Variants in CD82 observed in about 807,000 individuals in gnomAD.
CD82 encodes CD82 antigen.
Under a neutral mutation model 37.4 loss-of-function variants are expected in CD82, and 36 were observed. That is an observed-to-expected ratio of 0.96 (90% CI 0.74 to 1.27). The LOEUF (loss-of-function observed/expected upper bound fraction) is 1.27, where lower values mean the gene tolerates loss of function less well. Among genes scored for constraint, CD82 ranks in the 50% most tolerant of loss-of-function variants. The pLI, the probability that CD82 is intolerant of heterozygous loss-of-function variation, is 0.00. For synonymous variants in CD82, 158 were observed against 137.4 expected, an observed-to-expected ratio of 1.15 and a Z score of -1.05; for missense variants, 340 against 347.0, an observed-to-expected ratio of 0.98 and a Z score of 0.16.
At position 44,576,530 on chromosome 11, in the gene CD82, C is replaced by T. The variant is rs77316636; in HGVS notation, c.-103+10794C>T. On this transcript the variant is annotated intron_variant, in intron 1 of 9. Coordinates refer to ENST00000227155, the MANE Select transcript of CD82 (RefSeq NM_002231.4). ...GTGGAGTAAGCAGCCTCTGCCCCAC[C>T]CGCCATCCACGCAGAGACGGTCAGC... 8.4e-3 allele frequency among the ~76,000 whole-genome samples: 1,275 copies of T among 152,232 alleles called. 13 individuals carry two copies. The highest frequency in any genetic ancestry group is 0.029 in the African/African-American group (1,194 of 41,522).
intron 1 of CD82, among the ~76,000 whole-genome samples, chr11:44,586,026 G>A (rs1393603454): frequency 6.6e-6 from 1 of 152,186 alleles, no homozygotes; most frequent in Admixed American, 6.5e-5. Flanking sequence ...AGGCGCTGCT[G>A]TACCAGAAAC....
At chr11:44,615,217 A>C (rs1160822274) in intron 6 of CD82, 55 bp from the exon 7 acceptor site, 1 of 1,171,922 alleles carries the variant, frequency 8.5e-7, no homozygotes, top group Non-Finnish European at 1.3e-6. Flanking sequence ...GGGTGACCAC[A>C]GGTGGGCACG....
intron 6 of CD82, among the ~76,000 whole-genome samples, chr11:44,608,741 A>T (rs536131413): frequency 3.9e-5 from 6 of 152,372 alleles, no homozygotes; most frequent in African/African-American, 1.4e-4. Flanking sequence ...TGCCTGCCCC[A>T]TTCGGGTGTC....
chr11:44,593,354 C>G (rs542101309), intron 2 of CD82, among the ~76,000 whole-genome samples: 5 of 152,212 alleles, frequency 3.3e-5, no homozygotes, highest in Non-Finnish European at 5.9e-5. Context: ...TCCCCTCCAC[C>G]CCCCCAGCCC....
chr11:44,600,510 GC>G (rs1853292780), intron 4 of CD82, among the ~76,000 whole-genome samples: 1 of 152,146 alleles, frequency 6.6e-6, no homozygotes, highest in Admixed American at 6.5e-5. Flanking sequence ...CCTTCCCTTG[GC>G]CCTGACCTTA....
rs1853361928 is a variant in CD82, at chr11:44,604,682, G to C, written c.137-376G>C. On this transcript the variant is annotated intron_variant, in intron 4 of 9. Coordinates refer to ENST00000227155, the MANE Select transcript of CD82 (RefSeq NM_002231.4). ...CTGCGAGAGGCGCTGTTCGAGCTGG[G>C]GGTTCCCCAGGAATAAAGTGAAGCT... 3 of 314,750 alleles carry C rather than the reference G, an allele frequency of 9.5e-6. 1 individual carries two copies. The highest frequency in any genetic ancestry group is 5.8e-5 in the South Asian group (2 of 34,350). The allele number at this position is 314,750 out of a possible 1,614,324, so 19.5% of individuals were successfully genotyped here.
intron 6 of CD82, chr11:44,608,047 T>A (rs1853424388): frequency 1.3e-5 from 2 of 152,328 alleles, no homozygotes; most frequent in South Asian, 4.2e-4. Flanking sequence ...GGGGGAAATT[T>A]TCTGGCTTTG....
chr11:44,616,136 G>T (rs1266044889), intron 7 of CD82, among the ~76,000 whole-genome samples: 4 of 152,182 alleles, frequency 2.6e-5, no homozygotes, highest in African/African-American at 9.7e-5. Flanking sequence ...TGACACCTCA[G>T]GGGAGGGATG....
intron 4 of CD82, among the ~76,000 whole-genome samples, chr11:44,602,821 C>G (rs944136681): frequency 6.6e-6 from 1 of 152,130 alleles, no homozygotes; most frequent in Non-Finnish European, 1.5e-5. Context: ...TTCTGAGATA[C>G]GGAGACCTCG....
At chr11:44,593,920 G>T (rs1853181547) in intron 2 of CD82, among the ~76,000 whole-genome samples, 2 of 151,910 alleles carry the variant, frequency 1.3e-5, no homozygotes, top group South Asian at 4.1e-4. Flanking sequence ...AGAGAGTGAA[G>T]ATTGTAGAAT....
intron 4 of CD82, among the ~76,000 whole-genome samples, chr11:44,603,336 C>G (rs560577948): frequency 2.0e-5 from 3 of 152,282 alleles, no homozygotes; most frequent in African/African-American, 7.2e-5. Context: ...TCCCTCCCGT[C>G]CTCCAGTTTG....
intron 2 of CD82, 68 bp downstream of exon 2, chr11:44,587,624 G>T: frequency 2.2e-6 from 1 of 455,272 alleles, no homozygotes; most frequent in East Asian, 7.0e-5. Context: ...CGAGGAAGGT[G>T]GAGACCGAGC....
At chr11:44,596,980 G>C (rs1388194767) in intron 3 of CD82, 2 of 456,248 alleles carry the variant, frequency 4.4e-6, no homozygotes, top group East Asian at 1.4e-4. Context: ...GTCAGCAAAG[G>C]CTTCCTGGGG....
chr11:44,572,950 C>T (rs1852835447), intron 1 of CD82: 1 of 152,300 alleles, frequency 6.6e-6, no homozygotes, highest in African/African-American at 2.4e-5. Context: ...AGGAGGCAGC[C>T]TCCTGCAGGA....
intron 4 of CD82, among the ~76,000 whole-genome samples, chr11:44,603,177 A>G (rs1853332766): frequency 6.6e-6 from 1 of 152,200 alleles, no homozygotes; most frequent in South Asian, 2.1e-4. Flanking sequence ...GCTCAGTGCC[A>G]GAAGATCCCC....
At chr11:44,580,374 G>C (rs1852962797) in intron 1 of CD82, among the ~76,000 whole-genome samples, 1 of 152,198 alleles carries the variant, frequency 6.6e-6, no homozygotes, top group Non-Finnish European at 1.5e-5. Flanking sequence ...GAGGCAGGAA[G>C]GATTAGCCCA....
At chr11:44,617,877 T>C (rs1853588612) in intron 7 of CD82, among the ~76,000 whole-genome samples, 1 of 152,228 alleles carries the variant, frequency 6.6e-6, no homozygotes, top group South Asian at 2.1e-4. Context: ...CCCAGTAGCC[T>C]GACTTTAAAC....
intron 2 of CD82, among the ~76,000 whole-genome samples, chr11:44,590,434 C>T (rs7937213): frequency 1.3e-5 from 2 of 150,972 alleles, no homozygotes; most frequent in Admixed American, 1.3e-4. Context: ...CAGTGAAACC[C>T]GTCTCTACTA....
intron 6 of CD82, among the ~76,000 whole-genome samples, chr11:44,611,138 A>G (rs117859391): frequency 9.3e-4 from 142 of 152,266 alleles, no homozygotes; most frequent in Non-Finnish European, 1.7e-3. Flanking sequence ...CCCAGCTGAA[A>G]TTCTTAATAA....
Sources: gnomAD v4.1 joint callset for allele counts (sites outside exome capture counted in the v4.1 genomes callset) on GRCh38, gnomAD v4.1.1 for gene constraint, MANE v1.5 for transcripts, NCBI Gene and HGNC (gene_info 2026-07-23, HGNC 2026-07-21) for gene names.